The following TENM2 variants were observed in gnomAD, a reference collection of about 807,000 sequenced individuals.
TENM2 encodes teneurin-2.
Under a neutral mutation model 245.2 loss-of-function variants are expected in TENM2, and 52 were observed. The observed-to-expected ratio is 0.21, with a 90% CI of 0.17 to 0.27. The LOEUF (loss-of-function observed/expected upper bound fraction) is 0.27. TENM2 is among the 10% of genes least tolerant of loss of function. The pLI, the probability that TENM2 is intolerant of heterozygous loss-of-function variation, is 1.00. For missense variants in TENM2, 3,046 were observed against 3,666.8 expected (o/e 0.83, Z 4.37); for synonymous variants, 1,363 against 1,438.9 (o/e 0.95, Z 1.19).
At chr5:167,618,858 C>CA (rs1002013041) in intron 2 of TENM2, among the ~76,000 whole-genome samples, 1 of 152,012 alleles carries the variant, frequency 6.6e-6, no homozygotes, top group African/African-American at 2.4e-5. Flanking sequence ...CCTCTCCCCG[C>CA]AAAAAGAGTT....
chr5:168,199,892 G>C, exon 17 of TENM2: 2 of 1,613,936 alleles, frequency 1.2e-6, no homozygotes, highest in Non-Finnish European at 1.7e-6. Flanking sequence ...GAGCTCCCTG[G>C]TTCCAATGTG....
intron 5 of TENM2, among the ~76,000 whole-genome samples, chr5:168,034,188 CAA>C (rs1787452468): frequency 7.3e-6 from 1 of 136,880 alleles, no homozygotes; most frequent in South Asian, 2.5e-4. Context: ...CACACACACA[CAA>C]AAATTAATCA....
intron 2 of TENM2, among the ~76,000 whole-genome samples, chr5:167,625,831 G>A (rs906389686): frequency 3.9e-5 from 6 of 152,134 alleles, no homozygotes; most frequent in African/African-American, 1.4e-4. Flanking sequence ...TCATTTTTCT[G>A]GGTAGCTTAA....
At chr5:167,533,266 A>G (rs2127595189) in intron 2 of TENM2, among the ~76,000 whole-genome samples, 1 of 152,292 alleles carries the variant, frequency 6.6e-6, no homozygotes, top group Non-Finnish European at 1.5e-5. Flanking sequence ...GATAACCCGA[A>G]AAACAAGCCA....
chr5:167,095,237 T>C, the TENM2 span, among the ~76,000 whole-genome samples: 1 of 152,136 alleles, frequency 6.6e-6, no homozygotes, highest in Non-Finnish European at 1.5e-5. Flanking sequence ...GGTGTTCAGA[T>C]AGTAATTTAG....
chr5:167,802,317 A>G (rs1046547146), intron 2 of TENM2, among the ~76,000 whole-genome samples: 4 of 152,130 alleles, frequency 2.6e-5, no homozygotes, highest in South Asian at 2.1e-4. Flanking sequence ...GAGTGTGGAT[A>G]AAAACTAATC....
rs145834167 is a variant in TENM2 at position 167,677,092 on chromosome 5, T to C, written c.503-198894T>C. Among the ~76,000 whole-genome samples, 854 of 152,238 alleles carry C rather than the reference T, an allele frequency of 5.6e-3. 33 individuals are homozygous for C. The South Asian group carries it at 0.09, about 16-fold the overall frequency. On this transcript the variant is annotated intron_variant, in intron 2 of 28. Coordinates refer to ENST00000518659, the Ensembl canonical transcript of TENM2. The stretch of plus-strand genomic sequence containing the variant: ...TTTCCACATGTGGAGGACAAAGGAA[T>C]GTCATCAAGTCTCTTTCTCAGTTCC...
At chr5:167,676,386 G>A (rs969571936) in intron 2 of TENM2, among the ~76,000 whole-genome samples, 2 of 151,942 alleles carry the variant, frequency 1.3e-5, no homozygotes, top group African/African-American at 4.8e-5. Flanking sequence ...GTGGTTCCCG[G>A]TTTAATTGGG....
the TENM2 span, among the ~76,000 whole-genome samples, chr5:167,151,301 G>A: frequency 6.6e-6 from 1 of 152,010 alleles, no homozygotes; most frequent in African/African-American, 2.4e-5. Context: ...CATTTAGCAA[G>A]GTGCCCATTG....
At chr5:168,134,982 C>G (rs1754919748) in intron 12 of TENM2, among the ~76,000 whole-genome samples, 6 of 152,224 alleles carry the variant, frequency 3.9e-5, no homozygotes. Context: ...CGTCTTAGAA[C>G]ACAGCATCCT....
At chr5:167,902,931 G>C (rs1409652511) in intron 3 of TENM2, among the ~76,000 whole-genome samples, 1 of 152,188 alleles carries the variant, frequency 6.6e-6, no homozygotes, top group Non-Finnish European at 1.5e-5. Flanking sequence ...GGAAAAGGCA[G>C]TTCAAATGGT....
chr5:167,823,152 A>T (rs1767675471), intron 2 of TENM2, among the ~76,000 whole-genome samples: 1 of 151,876 alleles, frequency 6.6e-6, no homozygotes, highest in South Asian at 2.1e-4. Context: ...TTGGCCTGTG[A>T]TGGGAAATTT....
intron 2 of TENM2, among the ~76,000 whole-genome samples, chr5:167,557,648 T>C (rs1773338389): frequency 6.6e-6 from 1 of 152,208 alleles, no homozygotes; most frequent in African/African-American, 2.4e-5. Flanking sequence ...GTGGCTTATT[T>C]CACTTACCTC....
chr5:167,912,978 G>A (rs1464084569), intron 3 of TENM2, among the ~76,000 whole-genome samples: 2 of 152,072 alleles, frequency 1.3e-5, no homozygotes, highest in East Asian at 3.9e-4. Flanking sequence ...AGCAAGAAAG[G>A]TTCAGGCAGG....
chr5:167,735,672 G>T (rs1475867961), intron 2 of TENM2, among the ~76,000 whole-genome samples: 2 of 152,068 alleles, frequency 1.3e-5, no homozygotes, highest in Non-Finnish European at 2.9e-5. Context: ...TGGGCATGTT[G>T]GTGCACACCT....
intron 1 of TENM2, among the ~76,000 whole-genome samples, chr5:167,338,573 T>G (rs1757911063): frequency 6.6e-6 from 1 of 152,170 alleles, no homozygotes; most frequent in South Asian, 2.1e-4. Flanking sequence ...CTAAAATATA[T>G]CACGTGGTTT....
chr5:167,375,612 C>A, intron 2 of TENM2, 139 bp downstream of exon 4: 2 of 888,150 alleles, frequency 2.3e-6, no homozygotes, highest in Admixed American at 2.8e-5. Context: ...CCAGTGTGAG[C>A]TGGGGGGAAG....
At chr5:167,740,718 T>C (rs908355499) in intron 2 of TENM2, among the ~76,000 whole-genome samples, 8 of 152,212 alleles carry the variant, frequency 5.3e-5, no homozygotes, top group African/African-American at 1.7e-4. Flanking sequence ...GGATCTGATA[T>C]AGCTCAATCA....
chr5:167,372,923 C>G (rs955400383), intron 1 of TENM2, among the ~76,000 whole-genome samples: 3 of 152,040 alleles, frequency 2.0e-5, no homozygotes, highest in Admixed American at 2.0e-4. Context: ...TGAGACAGTA[C>G]CAAGGATGCA....
Sources: allele counts gnomAD v4.1 joint callset (sites outside exome capture counted in the v4.1 genomes callset), GRCh38; gene constraint gnomAD v4.1.1; transcripts MANE v1.5; gene names NCBI Gene and HGNC (gene_info 2026-07-23, HGNC 2026-07-21).